Variants in MIPOL1 observed in about 807,000 individuals in gnomAD.
MIPOL1 encodes the protein mirror-image polydactyly gene 1 protein.
MIPOL1 carries 57 observed loss-of-function variants against 60.9 expected under a neutral mutation model. The observed-to-expected ratio is 0.94, with a 90% CI of 0.76 to 1.17. MIPOL1 has a LOEUF of 1.17. Among genes scored for constraint, MIPOL1 ranks in the 50% most tolerant of loss-of-function variants. The pLI is 0.00. For missense variants in MIPOL1, 551 were observed against 511.6 expected (o/e 1.08, Z -0.74); for synonymous variants, 179 against 168.8 (o/e 1.06, Z -0.47).
At chr14:37,356,650 G>C (rs1242630796) in intron 9 of MIPOL1, among the ~76,000 whole-genome samples, 2 of 152,184 alleles carry the variant, frequency 1.3e-5, no homozygotes, top group South Asian at 2.1e-4. Flanking sequence ...GCAGTATTCG[G>C]GTGGGAGTGA....
chr14:37,488,571 A>G (rs1242014606), intron 11 of MIPOL1, among the ~76,000 whole-genome samples: 1 of 151,350 alleles, frequency 6.6e-6, no homozygotes, highest in African/African-American at 2.4e-5. Context: ...TTACCATTGT[A>G]TCATGCCCTT....
chr14:37,319,088 G>A (rs2088270170), intron 9 of MIPOL1, among the ~76,000 whole-genome samples: 1 of 152,036 alleles, frequency 6.6e-6, no homozygotes, highest in Non-Finnish European at 1.5e-5. Context: ...CGATCTACCT[G>A]CTTCTGCCTT....
At chr14:37,241,439 T>G (rs1396844063) in intron 1 of MIPOL1, among the ~76,000 whole-genome samples, 2 of 151,922 alleles carry the variant, frequency 1.3e-5, no homozygotes, top group Non-Finnish European at 2.9e-5. Context: ...AAAATTAGGC[T>G]AGGTTCAGTG....
chr14:37,399,038 C>T (rs976648301), intron 10 of MIPOL1, among the ~76,000 whole-genome samples: 5 of 152,158 alleles, frequency 3.3e-5, no homozygotes, highest in Non-Finnish European at 7.3e-5. Context: ...CTATAGAAAG[C>T]AAGATTGCAA....
chr14:37,325,224 A>C (rs887786803), intron 9 of MIPOL1, among the ~76,000 whole-genome samples: 7 of 152,134 alleles, frequency 4.6e-5, no homozygotes, highest in Non-Finnish European at 1.0e-4. Context: ...AATGCGCTAC[A>C]TGGTTTAAAT....
At chr14:37,449,442 C>A (rs924602158) in intron 11 of MIPOL1, among the ~76,000 whole-genome samples, 1 of 152,130 alleles carries the variant, frequency 6.6e-6, no homozygotes, top group Non-Finnish European at 1.5e-5. Flanking sequence ...AAGTATTCAA[C>A]AAACTGAATG....
chr14:37,426,133 C>T (rs1451956762), intron 11 of MIPOL1, among the ~76,000 whole-genome samples: 1 of 151,858 alleles, frequency 6.6e-6, no homozygotes, highest in Admixed American at 6.6e-5. Context: ...AGCAAGATTC[C>T]AGAGGAGGTA....
At chr14:37,450,136 G>C (rs1257831362) in intron 11 of MIPOL1, among the ~76,000 whole-genome samples, 1 of 151,722 alleles carries the variant, frequency 6.6e-6, no homozygotes, top group Admixed American at 6.6e-5. Flanking sequence ...TTTGGATCTT[G>C]TGCATCATTA....
intron 11 of MIPOL1, among the ~76,000 whole-genome samples, chr14:37,469,325 A>C (rs766057740): frequency 1.1e-4 from 16 of 152,134 alleles, no homozygotes; most frequent in Admixed American, 3.9e-4. Flanking sequence ...AGAGAGAGAG[A>C]GAGCAGGGGG....
intron 9 of MIPOL1, among the ~76,000 whole-genome samples, chr14:37,337,905 T>G (rs976097747): frequency 2.6e-5 from 4 of 152,020 alleles, no homozygotes; most frequent in Non-Finnish European, 5.9e-5. Flanking sequence ...AATTTATTTT[T>G]TCTTCAGTCA....
intron 11 of MIPOL1, among the ~76,000 whole-genome samples, chr14:37,474,283 A>G (rs1012980112): frequency 6.6e-6 from 1 of 152,140 alleles, no homozygotes; most frequent in Non-Finnish European, 1.5e-5. Context: ...ACCTTGGAGC[A>G]TGATTGCTAG....
At chr14:37,385,813 T>A (rs1042299075) in intron 10 of MIPOL1, 2 of 152,030 alleles carry the variant, frequency 1.3e-5, no homozygotes, top group African/African-American at 2.4e-5. Context: ...TCTTTCTTAA[T>A]TGAAAGAAGT....
chr14:37,418,620 A>G lies in MIPOL1; in HGVS notation c.937-4235A>G, dbSNP rs965624640. On this transcript the variant is annotated intron_variant, in intron 10 of 12. Coordinates refer to ENST00000684589, the MANE Select transcript of MIPOL1 (RefSeq NM_001388067.1). Reference sequence around the variant, plus strand: ...AAAGAAAATATGTATTTTGGAACAAATGGGTCTGAATTTCTATTTGAGTTC... The same window carrying G: ...AAAGAAAATATGTATTTTGGAACAAGTGGGTCTGAATTTCTATTTGAGTTC... 5.3e-5 allele frequency among the ~76,000 whole-genome samples: 8 copies of G among 152,268 alleles called. No individual in the cohort carries two copies. The East Asian group carries it at 1.5e-3, about 29-fold the overall frequency.
chr14:37,516,280 CTT>C (rs1035218247), intron 12 of MIPOL1, among the ~76,000 whole-genome samples: 2 of 152,010 alleles, frequency 1.3e-5, no homozygotes, highest in African/African-American at 4.8e-5. Context: ...GGTCTAAAGT[CTT>C]TTTGTTTTTT....
intron 3 of MIPOL1, chr14:37,265,236 T>G (rs2082790862): frequency 6.6e-6 from 1 of 152,184 alleles, no homozygotes; most frequent in Admixed American, 6.6e-5. Flanking sequence ...CTACTTGACC[T>G]TTTTTGGAGC....
chr14:37,361,875 G>A (rs943683901), intron 9 of MIPOL1, among the ~76,000 whole-genome samples: 2 of 151,822 alleles, frequency 1.3e-5, no homozygotes, highest in African/African-American at 4.8e-5. Flanking sequence ...TCAAAGTGCT[G>A]TTTGTCTCTT....
intron 9 of MIPOL1, among the ~76,000 whole-genome samples, chr14:37,353,772 A>T (rs955157024): frequency 6.6e-6 from 1 of 151,954 alleles, no homozygotes; most frequent in African/African-American, 2.4e-5. Context: ...TCATTTTTTA[A>T]TGCGTATATT....
chr14:37,439,028 A>T (rs1039575056), intron 11 of MIPOL1, among the ~76,000 whole-genome samples: 1 of 152,244 alleles, frequency 6.6e-6, no homozygotes, highest in Non-Finnish European at 1.5e-5. Flanking sequence ...ATTTATTAAG[A>T]GCCTACTGTG....
chr14:37,448,620 T>C (rs1955945), intron 11 of MIPOL1, among the ~76,000 whole-genome samples: 27,386 of 152,156 alleles, frequency 0.18, 4,832 homozygotes, highest in African/African-American at 0.45. Flanking sequence ...CTGTATTCCA[T>C]AGCATAAAGT....
Sources: gnomAD v4.1 joint callset for allele counts (sites outside exome capture counted in the v4.1 genomes callset) on GRCh38, gnomAD v4.1.1 for gene constraint, MANE v1.5 for transcripts, NCBI Gene and HGNC (gene_info 2026-07-23, HGNC 2026-07-21) for gene names.